ARHGEF18: variants seen among roughly 807,000 people sequenced by gnomAD.
The protein encoded by ARHGEF18 is Rho/Rac guanine nucleotide exchange factor 18.
Under a neutral mutation model 155.7 loss-of-function variants are expected in ARHGEF18, and 93 were observed. That is an observed-to-expected ratio of 0.60 (90% CI 0.50 to 0.71). The LOEUF (loss-of-function observed/expected upper bound fraction) is 0.71. Among genes scored for constraint, ARHGEF18 ranks in the 30% least tolerant of loss-of-function variants. The probability of loss-of-function intolerance (pLI) is 0.00; values close to 1 mark genes in which losing one functional copy is unlikely to be tolerated. For missense variants in ARHGEF18, 1,593 were observed against 1,816.1 expected (o/e 0.88, Z 2.23); for synonymous variants, 742 against 753.1 (o/e 0.99, Z 0.24).
chr19:7,354,603 A>G (rs1031032044), intron 1 of ARHGEF18, among the ~76,000 whole-genome samples: 1 of 151,894 alleles, frequency 6.6e-6, no homozygotes, highest in Non-Finnish European at 1.5e-5. Flanking sequence ...CATACCCCAC[A>G]CTTGGGTACA....
intron 15 of ARHGEF18, among the ~76,000 whole-genome samples, chr19:7,448,853 G>A (rs989611760): frequency 6.6e-6 from 1 of 152,084 alleles, no homozygotes; most frequent in African/African-American, 2.4e-5. Flanking sequence ...ACCACACTTG[G>A]ATGATGGCTA....
chr19:7,468,091 C>G, intron 26 of ARHGEF18, among the ~76,000 whole-genome samples: 1 of 152,022 alleles, frequency 6.6e-6, no homozygotes, highest in South Asian at 2.1e-4. Context: ...GTCCCCGCTA[C>G]TTGGAATGCT....
intron 10 of ARHGEF18, among the ~76,000 whole-genome samples, chr19:7,425,697 A>T (rs1018842832): frequency 5.3e-5 from 8 of 149,704 alleles, no homozygotes; most frequent in African/African-American, 1.7e-4. Context: ...AAAAAAAAAA[A>T]GCTTATTAAG....
Position 7,462,321 on chromosome 19 carries a change from G to T in ARHGEF18, c.2622G>T (p.Ser874=), listed in dbSNP as rs149045020. ...ETLQGELILK[S]AMSEIEGIQS... ...TGCAGGGGGAGCTAATTCTCAAGTC[G>T]GCCATGAGCGAGAGTAAGTTGGCTG... Residue 874 remains serine, a synonymous_variant, in exon 21 of 29, where the codon TCG becomes TCT. Coordinates refer to ENST00000668164, the MANE Select transcript of ARHGEF18 (RefSeq NM_001367823.1). The surrounding 1 kb of genome is among the most constrained non-coding windows in gnomAD (Gnocchi z 4.4). 6.3e-7 allele frequency: 1 copy of T among 1,595,072 alleles called. No individual in the cohort carries two copies. Among genetic ancestry groups the T allele is most frequent in the Admixed American group, 1.7e-5 (1 of 57,324 alleles).
rs368829364 is a variant in ARHGEF18, at chr19:7,470,256, C to T, written c.4044C>T (p.Ser1348=). Residue 1348 remains serine, a synonymous_variant, in exon 29 of 29, where the codon AGC becomes AGT. Transcript: ENST00000668164. This position sits in a 1 kb window ranked among gnomAD's most constrained non-coding sequence, Gnocchi z 5.9. The stretch of plus-strand genomic sequence containing the variant: ...CGCCACTGCCGGCCACACCACTCAG[C>T]GCCAAGGAGGACGCCAGCAAAGAAG... ...APSPLPATPL[S]AKEDASKEDV... is the part of the protein sequence containing the mutation. 14 of 1,578,454 alleles carry T rather than the reference C, an allele frequency of 8.9e-6. No homozygotes were observed. Among genetic ancestry groups the T allele is most frequent in the South Asian group, 2.3e-5 (2 of 87,734 alleles).
chr19:7,403,954 A>T (rs1248497436), intron 10 of ARHGEF18, among the ~76,000 whole-genome samples: 1 of 148,212 alleles, frequency 6.7e-6, no homozygotes, highest in Non-Finnish European at 1.5e-5. Context: ...AATCCCAGCT[A>T]CTGATGAGGC....
chr19:7,423,638 G>A (rs1049234198), intron 10 of ARHGEF18, among the ~76,000 whole-genome samples: 8 of 151,322 alleles, frequency 5.3e-5, no homozygotes, highest in Non-Finnish European at 1.0e-4. Flanking sequence ...CCAGGAGGCA[G>A]AGGTTGCAAT....
intron 2 of ARHGEF18, among the ~76,000 whole-genome samples, chr19:7,372,319 TG>T (rs2145399986): frequency 6.6e-6 from 1 of 151,940 alleles, no homozygotes; most frequent in Non-Finnish European, 1.5e-5. Flanking sequence ...AGACTCAGGA[TG>T]GGCCGGGTGG....
At chr19:7,359,858 A>G (rs536747813) in intron 1 of ARHGEF18, among the ~76,000 whole-genome samples, 2 of 152,078 alleles carry the variant, frequency 1.3e-5, no homozygotes, top group South Asian at 2.1e-4. Flanking sequence ...AAGCTTCCCT[A>G]TAAAAACAAA....
downstream of ARHGEF18, among the ~76,000 whole-genome samples, chr19:7,474,754 A>AGTGAGTGT (rs796866599): frequency 1.4e-5 from 2 of 141,970 alleles, no homozygotes; most frequent in African/African-American, 5.5e-5. Context: ...TGGGCATTGG[A>AGTGAGTGT]GTGTGTGTGT....
At chr19:7,478,455 C>G in the ARHGEF18 span, 1 of 1,404,206 alleles carries the variant, frequency 7.1e-7, no homozygotes, top group African/African-American at 1.4e-5. Flanking sequence ...CCCGGACATA[C>G]AGTCTGGGAC....
At position 7,394,266 on chromosome 19, in the gene ARHGEF18, G is replaced by A. The variant is rs1231603477; in HGVS notation, c.967+11063G>A. Among the ~76,000 whole-genome samples the A allele has an allele frequency of 2.0e-5, 3 of 152,022 alleles. No individual in the cohort carries two copies. In the East Asian group the frequency reaches 5.8e-4, roughly 29 times the overall value. ...CCATGCCCTGCTCATTTTAAAAAAT[G>A]TTTTGTAGAGATGGGGTCTTGCTAT... On this transcript the variant is annotated intron_variant, in intron 10 of 28. Coordinates refer to ENST00000668164, the MANE Select transcript of ARHGEF18 (RefSeq NM_001367823.1).
At chr19:7,373,791 T>A (rs1970311579) in intron 3 of ARHGEF18, among the ~76,000 whole-genome samples, 1 of 150,828 alleles carries the variant, frequency 6.6e-6, no homozygotes, top group Admixed American at 6.6e-5. Flanking sequence ...TCATAAGGAG[T>A]GTGCAACCTA....
At chr19:7,401,998 A>G (rs1972040087) in intron 10 of ARHGEF18, among the ~76,000 whole-genome samples, 1 of 152,214 alleles carries the variant, frequency 6.6e-6, no homozygotes, top group Admixed American at 6.5e-5. Flanking sequence ...CATTTATATG[A>G]AATGTATACA....
chr19:7,363,675 G>A (rs1177475615), intron 2 of ARHGEF18, among the ~76,000 whole-genome samples: 1 of 151,646 alleles, frequency 6.6e-6, no homozygotes, highest in Admixed American at 6.6e-5. Context: ...ATGGATGGGT[G>A]AGTGGATGGA....
At position 7,355,782 on chromosome 19, in the gene ARHGEF18, G is replaced by A. The variant is rs540634185; in HGVS notation, c.-111+6541G>A. ...GACAGCCTGCCCGCCATCCCCCTTC[G>A]AGCTTTTTCTTGGCTGCAGTACAGA... is the stretch of plus-strand genomic sequence containing the variant. On this transcript the variant is annotated intron_variant, in intron 1 of 28. Transcript: ENST00000668164. The A allele has an allele frequency of 2.6e-5, 24 of 932,922 alleles. No homozygotes were observed. The East Asian group carries it at 3.5e-4, about 14-fold the overall frequency. 57.8% of individuals were successfully genotyped at this position (932,922 alleles called of 1,614,324 possible). A position where few individuals can be genotyped will look rare whatever the true frequency, so the allele number is the denominator to read the frequency against.
intron 10 of ARHGEF18, among the ~76,000 whole-genome samples, chr19:7,390,089 G>A (rs1027484834): frequency 1.6e-4 from 25 of 152,156 alleles, no homozygotes; most frequent in African/African-American, 5.3e-4. Context: ...CTAGCTACTC[G>A]GGAGGCTGAG....
At chr19:7,467,792 T>G in intron 26 of ARHGEF18, 108 bp downstream of exon 26, 7 of 1,140,860 alleles carry the variant, frequency 6.1e-6, no homozygotes, top group Non-Finnish European at 8.1e-6. Flanking sequence ...CGTGCAGGAG[T>G]GTAAGAGCAA....
intron 10 of ARHGEF18, among the ~76,000 whole-genome samples, chr19:7,391,630 G>A (rs1002926044): frequency 6.6e-6 from 1 of 152,148 alleles, no homozygotes; most frequent in African/African-American, 2.4e-5. Context: ...ATCCTTTTAA[G>A]ACAAAGCCCA....
Sources: allele counts gnomAD v4.1 joint callset (sites outside exome capture counted in the v4.1 genomes callset), GRCh38; gene constraint gnomAD v4.1.1; non-coding constraint Gnocchi (gnomAD v3.1); transcripts MANE v1.5; gene names NCBI Gene and HGNC (gene_info 2026-07-23, HGNC 2026-07-21).